The following ZXDC variants were observed in gnomAD, a reference collection of about 807,000 sequenced individuals.
ZXDC encodes the protein zinc finger protein ZXDC.
In ZXDC, 58 loss-of-function variants were observed where a neutral mutation model predicts 63.6. That is an observed-to-expected ratio of 0.91 (90% CI 0.74 to 1.13). ZXDC has a LOEUF of 1.13. Ranked by LOEUF, ZXDC falls within the 50% of genes most tolerant of loss-of-function variation. The pLI, the probability that ZXDC is intolerant of heterozygous loss-of-function variation, is 0.00. For synonymous variants in ZXDC, 561 were observed against 496.1 expected (o/e 1.13, Z -1.74); for missense variants, 1,133 against 1,148.9 (o/e 0.99, Z 0.20).
rs1334846768 is a variant in ZXDC, at chr3:126,438,425, C to T, written c.2527G>A (p.Glu843Lys). The T allele has an allele frequency of 6.2e-7, 1 of 1,613,936 alleles. No homozygotes were observed. Among genetic ancestry groups the T allele is most frequent in the Non-Finnish European group, 8.5e-7 (1 of 1,179,936 alleles). The change falls in exon 10 of 10, where the codon GAG becomes AAG. Residue 843 changes from glutamate (E) to lysine (K), a missense_variant. Transcript: ENST00000389709. ...GTGCTTCCTGGGAACTGGGTGGCCT[C>T]CGGTCCAGCAGGGCCTCCAGATGAG... ...LPSSGGPAGP[E>K]ATQFPGSTIN... is the part of the protein sequence containing the mutation.
At position 126,438,459 on chromosome 3, in the gene ZXDC, C is replaced by T. The variant is rs746106089; in HGVS notation, c.2493G>A (p.Glu831=). Residue 831 remains glutamate, a splice_region_variant and synonymous_variant, in exon 10 of 10, where the codon GAG becomes GAA. Coordinates refer to ENST00000389709, the MANE Select transcript of ZXDC (RefSeq NM_025112.5). ...CAGGGCCTCCAGATGAGGGGAGCAC[C>T]TCCTGCAAAACCAAGCATTGTCATG... The part of the protein sequence containing the change: ...TVDLPVYVLQ[E]VLPSSGGPAG... The T allele has an allele frequency of 6.2e-7, 1 of 1,613,208 alleles. No individual in the cohort carries two copies. The highest frequency in any genetic ancestry group is 1.1e-5 in the South Asian group (1 of 90,958).
intron 7 of ZXDC, chr3:126,452,299 C>T: frequency 1.0e-6 from 1 of 985,442 alleles, no homozygotes; most frequent in Non-Finnish European, 1.2e-6. Flanking sequence ...GTCCTGGAAC[C>T]TGCTTGGACT....
chr3:126,458,613 AT>A, intron 7 of ZXDC: 1 of 985,266 alleles, frequency 1.0e-6, no homozygotes, highest in Non-Finnish European at 1.2e-6. Flanking sequence ...TCCTTTATAG[AT>A]AGTACTCCAA....
At chr3:126,444,498 C>T (rs537320982) in intron 7 of ZXDC, among the ~76,000 whole-genome samples, 79 of 151,860 alleles carry the variant, frequency 5.2e-4, no homozygotes, top group African/African-American at 1.8e-3. Context: ...TGCCACTGCA[C>T]TCCAGCCTGG....
In ZXDC at chr3:126,438,410, G is replaced by A. The variant is rs763973004; in HGVS notation, c.2542C>T (p.Pro848Ser). The A allele has an allele frequency of 6.2e-7, 1 of 1,613,840 alleles. No homozygotes were observed. Among genetic ancestry groups the A allele is most frequent in the Non-Finnish European group, 8.5e-7 (1 of 1,179,926 alleles). ...GPAGPEATQF[P>S]GSTINLQDLQ Reference sequence around the variant, plus strand: ...TCCTGCAGGTTGATAGTGCTTCCTGGGAACTGGGTGGCCTCCGGTCCAGCA... The same window carrying A: ...TCCTGCAGGTTGATAGTGCTTCCTGAGAACTGGGTGGCCTCCGGTCCAGCA... Residue 848 changes from proline to serine, a missense_variant, in exon 10 of 10, where the codon CCA (proline) becomes TCA (serine). Physicochemically the swap from Pro to Ser is moderately conservative, Grantham distance 74. Transcript: ENST00000389709.
At chr3:126,438,868 TCTC>T (rs1461368717) in intron 9 of ZXDC, among the ~76,000 whole-genome samples, 1 of 152,154 alleles carries the variant, frequency 6.6e-6, no homozygotes, top group Non-Finnish European at 1.5e-5. Flanking sequence ...ATCTAGCCTG[TCTC>T]CTCCTGCTAC....
chr3:126,456,647 C>T (rs1243322181), intron 7 of ZXDC, among the ~76,000 whole-genome samples: 2 of 152,170 alleles, frequency 1.3e-5, no homozygotes, highest in African/African-American at 4.8e-5. Flanking sequence ...TGCAATAAGC[C>T]TTAGCCGTGA....
Position 126,441,757 on chromosome 3 carries a change from G to C in ZXDC, c.2394+8C>G, listed in dbSNP as rs1188429727. On this transcript the variant is annotated splice_region_variant and intron_variant, in intron 8 of 9. Transcript: ENST00000389709. Reference sequence around the variant, plus strand: ...TACAGCTGGCCTGTGTGACTGGCCAGCTCTCACCTGCACCAGCTGGACCTG... The same window carrying C: ...TACAGCTGGCCTGTGTGACTGGCCACCTCTCACCTGCACCAGCTGGACCTG... The C allele has an allele frequency of 1.1e-5, 17 of 1,583,060 alleles. No individual in the cohort carries two copies. The highest frequency in any genetic ancestry group is 1.4e-5 in the Non-Finnish European group (16 of 1,167,824).
chr3:126,453,411 G>A, intron 7 of ZXDC: 1 of 985,386 alleles, frequency 1.0e-6, no homozygotes, highest in African/African-American at 1.7e-5. Context: ...ATCAAAATCT[G>A]GATTTGACTC....
rs1158116620 is a variant in ZXDC at position 126,459,646 on chromosome 3, G to T, written c.2212+7C>A. On this transcript the variant is annotated splice_region_variant and intron_variant, in intron 7 of 9. Transcript: ENST00000389709. ...TGCTCGTCCGGCTGCAGCACACACG[G>T]CCTCACCTGCATTGCTCCCCGCTCC... 1 of 1,614,106 alleles carries T rather than the reference G, an allele frequency of 6.2e-7. No individual in the cohort carries two copies. The highest frequency in any genetic ancestry group is 1.3e-5 in the African/African-American group (1 of 75,034).
At chr3:126,474,882 CCT>C in intron 1 of ZXDC, 75 bp downstream of exon 1, 6 of 1,467,284 alleles carry the variant, frequency 4.1e-6, no homozygotes, top group Non-Finnish European at 5.5e-6. Context: ...CTGGCAGGCC[CCT>C]CTGTGGGGCG....
chr3:126,457,262 G>A, intron 7 of ZXDC: 1 of 985,266 alleles, frequency 1.0e-6, no homozygotes, highest in Non-Finnish European at 1.2e-6. Context: ...CTGCTTTGAG[G>A]GGAGGCGGGC....
At chr3:126,453,144 T>C (rs184924282) in intron 7 of ZXDC, 4 of 985,470 alleles carry the variant, frequency 4.1e-6, no homozygotes, top group East Asian at 1.1e-4. Context: ...CATATTCTTA[T>C]TTCTGAATGA....
Position 126,441,773 on chromosome 3 carries a change from G to A in ZXDC, c.2386C>T (p.Leu796=), listed in dbSNP as rs762126436. 2 of 1,597,092 alleles carry A rather than the reference G, an allele frequency of 1.3e-6. No homozygotes were observed. The highest frequency in any genetic ancestry group is 8.5e-7 in the Non-Finnish European group (1 of 1,174,044). Residue 796 remains leucine (L), a synonymous_variant, in exon 8 of 10, where the codon CTG becomes TTG. Coordinates refer to ENST00000389709, the MANE Select transcript of ZXDC (RefSeq NM_025112.5). ...QCGAQGVQVQ[L]VQDDPSGEGV... ...GACTGGCCAGCTCTCACCTGCACCA[G>A]CTGGACCTGGACGCCCTGCGCCCCG...
intron 5 of ZXDC, among the ~76,000 whole-genome samples, chr3:126,464,697 G>A (rs1188357118): frequency 1.3e-5 from 2 of 152,082 alleles, no homozygotes; most frequent in African/African-American, 2.4e-5. Context: ...TGCCATGAGA[G>A]GGAACGGCCA....
At chr3:126,471,826 A>C (rs1042575500) in intron 3 of ZXDC, 147 bp downstream of exon 3, 1 of 621,222 alleles carries the variant, frequency 1.6e-6, no homozygotes. Flanking sequence ...TTCTTTTTAC[A>C]GTTTTCTGAA....
rs763992675 is a variant in ZXDC, at chr3:126,462,106, G to A, written c.1556C>T (p.Pro519Leu). 4 of 1,614,078 alleles carry A rather than the reference G, an allele frequency of 2.5e-6. No homozygotes were observed. In the South Asian group the frequency reaches 4.4e-5, roughly 18 times the overall value. The change falls in exon 6 of 10, where the codon CCT becomes CTT. Residue 519 changes from proline to leucine, a missense_variant. Transcript: ENST00000389709. Reference protein sequence around the residue: ...MDLAALFSDTPANASGSAGGS... With the variant: ...MDLAALFSDTLANASGSAGGS... Reference sequence around the variant, plus strand: ...ACCTGCAGAACCACTAGCATTGGCAGGTGTGTCAGAGAAGAGTGCAGCAAG... The same window carrying A: ...ACCTGCAGAACCACTAGCATTGGCAAGTGTGTCAGAGAAGAGTGCAGCAAG...
chr3:126,438,107 G>C lies in ZXDC; in HGVS notation c.*268C>G. 1 of 531,558 alleles carries C rather than the reference G, an allele frequency of 1.9e-6. No homozygotes were observed. The highest frequency in any genetic ancestry group is 2.1e-5 in the South Asian group (1 of 48,348). 32.9% of individuals were successfully genotyped at this position (531,558 alleles called of 1,614,324 possible). On this transcript the variant is annotated 3_prime_UTR_variant, in exon 10 of 10. Coordinates refer to ENST00000389709, the MANE Select transcript of ZXDC (RefSeq NM_025112.5). ...AGATCCAACGGGACACGGGGAAAGAGGCTGTAGTGCACCTAGCCCTGCTGA... is the reference window on the plus strand; with the variant it reads ...AGATCCAACGGGACACGGGGAAAGACGCTGTAGTGCACCTAGCCCTGCTGA...
At chr3:126,452,251 T>TTA (rs1934134970) in intron 7 of ZXDC, 1 of 985,322 alleles carries the variant, frequency 1.0e-6, no homozygotes, top group African/African-American at 1.7e-5. Context: ...CATTTTCCGT[T>TTA]TTCTTAGACG....
Sources: allele counts gnomAD v4.1 joint callset (sites outside exome capture counted in the v4.1 genomes callset), GRCh38; gene constraint gnomAD v4.1.1; transcripts MANE v1.5; gene names NCBI Gene and HGNC (gene_info 2026-07-23, HGNC 2026-07-21).